The following MACF1 variants were observed in gnomAD, a reference collection of about 807,000 sequenced individuals.
MACF1 encodes microtubule actin crosslinking factor 1, also known as microtubule-actin cross-linking factor 1.
In MACF1, 193 loss-of-function variants were observed where a neutral mutation model predicts 854.8. The ratio of observed to expected loss-of-function variants is 0.23; its 90% CI spans 0.20 to 0.25. The LOEUF (loss-of-function observed/expected upper bound fraction) is 0.25, where lower values mean the gene tolerates loss of function less well. Among genes scored for constraint, MACF1 ranks in the 10% least tolerant of loss-of-function variants. MACF1 has a pLI of 1.00. For missense variants in MACF1, 7,722 were observed against 8,929.1 expected (o/e 0.86, Z 5.45); for synonymous variants, 3,185 against 3,226.7 (o/e 0.99, Z 0.44).
chr1:39,207,162 G>A (rs190174371), intron 1 of MACF1, among the ~76,000 whole-genome samples: 126 of 152,012 alleles, frequency 8.3e-4, no homozygotes, highest in African/African-American at 2.8e-3. Context: ...TAGTAATACT[G>A]TATTACTGGT....
At chr1:39,436,613 C>T (rs1643983322) in intron 70 of MACF1, 12 of 906,750 alleles carry the variant, frequency 1.3e-5, no homozygotes, top group Middle Eastern at 2.4e-4. Flanking sequence ...GTTTATTATG[C>T]CAGTTTCATT....
chr1:39,273,843 G>A (rs1645379179), intron 6 of MACF1, among the ~76,000 whole-genome samples: 1 of 152,168 alleles, frequency 6.6e-6, no homozygotes, highest in African/African-American at 2.4e-5. Context: ...GCCCGCCTCG[G>A]CTTCCCAAAG....
At chr1:39,244,185 A>G (rs369148842) in intron 2 of MACF1, among the ~76,000 whole-genome samples, 1 of 151,932 alleles carries the variant, frequency 6.6e-6, no homozygotes, top group African/African-American at 2.4e-5. Context: ...GCTCACTGCA[A>G]CGTCTCCCTC....
chr1:39,088,748 A>G (rs1209194933), intron 2 of MACF1, among the ~76,000 whole-genome samples: 1 of 152,214 alleles, frequency 6.6e-6, no homozygotes, highest in Non-Finnish European at 1.5e-5. Flanking sequence ...TGTGGGGAGT[A>G]TATTGAGAAC....
intron 58 of MACF1, chr1:39,412,372 A>C: frequency 6.2e-7 from 1 of 1,614,044 alleles, no homozygotes; most frequent in Non-Finnish European, 8.5e-7. Flanking sequence ...ATCAATGGGA[A>C]ATGTGGTCAC....
In MACF1 at chr1:39,105,063, C is replaced by T. The variant is rs1452082293; in HGVS notation, c.220+20625C>T. Among the ~76,000 whole-genome samples the T allele has an allele frequency of 1.3e-5, 2 of 152,188 alleles. No homozygotes were observed. The highest frequency in any genetic ancestry group is 4.8e-5 in the African/African-American group (2 of 41,458). On this transcript the variant is annotated intron_variant, in intron 2 of 93. Coordinates refer to the MACF1 transcript ENST00000361689. The surrounding 1 kb of genome is among the most constrained non-coding windows in gnomAD (Gnocchi z 5.9). The stretch of plus-strand genomic sequence containing the variant: ...CCCTGTGGAGCCGGCCCGGGTCTCC[C>T]TGCCGTTCGGCCGGCCCAGCCTTTC...
chr1:39,394,806 A>G (rs900169084), intron 58 of MACF1, among the ~76,000 whole-genome samples: 2 of 152,114 alleles, frequency 1.3e-5, no homozygotes, highest in African/African-American at 4.8e-5. Context: ...AGCGTTATCT[A>G]CCTGCCCTTG....
chr1:39,277,738 CACA>C (rs1255905750), intron 6 of MACF1, among the ~76,000 whole-genome samples: 1 of 152,166 alleles, frequency 6.6e-6, no homozygotes, highest in Non-Finnish European at 1.5e-5. Flanking sequence ...TTACCTCTGT[CACA>C]ACATTGATCT....
upstream of MACF1, among the ~76,000 whole-genome samples, chr1:39,203,433 G>A (rs536168030): frequency 4.5e-4 from 69 of 152,262 alleles, no homozygotes; most frequent in African/African-American, 1.4e-3. Flanking sequence ...CTGAACTCCT[G>A]GGCTCAAGTG....
At chr1:39,465,136 T>G in intron 95 of MACF1, 24 bp downstream of exon 95, 9 of 1,608,382 alleles carry the variant, frequency 5.6e-6, no homozygotes, top group Non-Finnish European at 7.7e-6. Context: ...TGCAATGTTC[T>G]CCTTCTCAAT....
chr1:39,460,620 AT>A lies in MACF1; in HGVS notation c.21361-9del, dbSNP rs1364285437. On this transcript the variant is annotated splice_polypyrimidine_tract_variant and intron_variant, in intron 91 of 100. Transcript: ENST00000564288. The surrounding 1 kb of genome is among the most constrained non-coding windows in gnomAD (Gnocchi z 4.1). ...AAAATAAATCTTATTGACACTTCTGATTTCTGTGTAGTTGAAAGAATTTGCC... is the reference window on the plus strand; with the variant it reads ...AAAATAAATCTTATTGACACTTCTGATTCTGTGTAGTTGAAAGAATTTGCC... The A allele has an allele frequency of 6.2e-7, 1 of 1,613,776 alleles. No individual in the cohort carries two copies. The highest frequency in any genetic ancestry group is 1.7e-5 in the Admixed American group (1 of 60,004).
chr1:39,465,232 G>A (rs1644641524), intron 95 of MACF1, 120 bp downstream of exon 95: 1 of 955,422 alleles, frequency 1.0e-6, no homozygotes, highest in Non-Finnish European at 1.7e-6. Flanking sequence ...GCACCTGGTT[G>A]TCTTACCAAG....
intron 2 of MACF1, among the ~76,000 whole-genome samples, chr1:39,249,038 C>T (rs2148331799): frequency 6.6e-6 from 1 of 152,292 alleles, no homozygotes; most frequent in South Asian, 2.1e-4. Context: ...GAAGCCACTG[C>T]ACCTGGCAAT....
chr1:39,414,301 A>G (rs775031598), intron 58 of MACF1: 2 of 1,613,978 alleles, frequency 1.2e-6, no homozygotes, highest in African/African-American at 1.3e-5. Flanking sequence ...TTCTGCCCAC[A>G]CTGACTCAGT....
rs147055532 is a variant in MACF1, at chr1:39,288,542, G to A, written c.1785+980G>A. ...AGGCTGGGCGTGGTAGCTCACACCT[G>A]TAATCCTAGCACTTTGGGAGGCCGA... On this transcript the variant is annotated intron_variant, in intron 15 of 100. Transcript: ENST00000564288. Among the ~76,000 whole-genome samples, 760 of 151,014 alleles carry A rather than the reference G, an allele frequency of 5.0e-3. 5 individuals are homozygous for A. The highest frequency in any genetic ancestry group is 0.018 in the African/African-American group (726 of 41,154).
At position 39,388,484 on chromosome 1, in the gene MACF1, G is replaced by C. The variant is rs141023728; in HGVS notation, c.15642G>C (p.Glu5214Asp). The C allele has an allele frequency of 5.0e-5, 80 of 1,614,220 alleles. 1 individual carries two copies. The African/African-American group carries it at 6.5e-4, about 13-fold the overall frequency. ...ACAAACAGTGTGGCAAACTGACAGAGAGGGGGAAAGCTCGTCAGGAACAGC... is the reference window on the plus strand; with the variant it reads ...ACAAACAGTGTGGCAAACTGACAGACAGGGGGAAAGCTCGTCAGGAACAGC... The part of the protein sequence containing the change: ...ALNKQCGKLT[E>D]RGKARQEQLE... Residue 5214 changes from glutamate (E) to aspartate (D), a missense_variant, in exon 58 of 101, where the codon GAG becomes GAC. Coordinates refer to ENST00000564288, the MANE Select transcript of MACF1 (RefSeq NM_001394062.1).
At chr1:39,410,614 A>G in intron 58 of MACF1, 1 of 1,614,046 alleles carries the variant, frequency 6.2e-7, no homozygotes, top group Non-Finnish European at 8.5e-7. Context: ...TGTGCCACCC[A>G]GAAGGCGGCC....
chr1:39,383,207 G>A (rs1228310980), intron 56 of MACF1, among the ~76,000 whole-genome samples: 1 of 152,104 alleles, frequency 6.6e-6, no homozygotes, highest in African/African-American at 2.4e-5. Context: ...ACATTCTCCC[G>A]CAGCCTGGTC....
intron 2 of MACF1, among the ~76,000 whole-genome samples, chr1:39,144,967 T>C (rs2148189026): frequency 6.6e-6 from 1 of 152,324 alleles, no homozygotes; most frequent in South Asian, 2.1e-4. Context: ...TCAGCCCCTT[T>C]ATGGTGTCAG....
Sources: gnomAD v4.1 joint callset for allele counts (sites outside exome capture counted in the v4.1 genomes callset) on GRCh38, gnomAD v4.1.1 for gene constraint, Gnocchi (gnomAD v3.1) non-coding constraint, MANE v1.5 for transcripts, NCBI Gene and HGNC (gene_info 2026-07-23, HGNC 2026-07-21) for gene names.